The following CSMD3 variants were observed in gnomAD, a reference collection of about 807,000 sequenced individuals.
The protein encoded by CSMD3 is CUB and sushi domain-containing protein 3.
In CSMD3, 177 loss-of-function variants were observed where a neutral mutation model predicts 435.2. That is an observed-to-expected ratio of 0.41 (90% CI 0.36 to 0.46). The LOEUF (loss-of-function observed/expected upper bound fraction) is 0.46. Ranked by LOEUF, CSMD3 falls within the 20% of genes least tolerant of loss-of-function variation. CSMD3 has a pLI of 0.34. For synonymous variants in CSMD3, 1,656 were observed against 1,520.5 expected (o/e 1.09, Z -2.07); for missense variants, 4,265 against 4,504.6 (o/e 0.95, Z 1.52).
intron 59 of CSMD3, among the ~76,000 whole-genome samples, chr8:112,270,519 T>C (rs1817426870): frequency 1.3e-5 from 2 of 152,104 alleles, no homozygotes; most frequent in African/African-American, 4.8e-5. Flanking sequence ...ATTCCAAAGT[T>C]ACTTCACTGA....
chr8:113,358,122 T>C (rs1178339673), intron 1 of CSMD3, among the ~76,000 whole-genome samples: 1 of 152,210 alleles, frequency 6.6e-6, no homozygotes, highest in Non-Finnish European at 1.5e-5. Flanking sequence ...AGCACCAATA[T>C]AATATTGTAA....
intron 3 of CSMD3, among the ~76,000 whole-genome samples, chr8:113,238,773 G>A (rs1216807354): frequency 2.6e-5 from 4 of 152,076 alleles, no homozygotes; most frequent in African/African-American, 7.2e-5. Context: ...TTTTCTATAT[G>A]TGATTCTTCC....
chr8:113,136,116 G>A (rs979779238), intron 4 of CSMD3, among the ~76,000 whole-genome samples: 1 of 151,806 alleles, frequency 6.6e-6, no homozygotes, highest in African/African-American at 2.4e-5. Flanking sequence ...AACAAATTAA[G>A]TATGAGTTCA....
intron 22 of CSMD3, among the ~76,000 whole-genome samples, chr8:112,597,378 G>T (rs1831833397): frequency 6.7e-6 from 1 of 149,176 alleles, no homozygotes; most frequent in Non-Finnish European, 1.5e-5. Context: ...ATAATCAATA[G>T]TTTACCAACC....
chr8:112,482,012 A>C (rs546096443), intron 31 of CSMD3, among the ~76,000 whole-genome samples: 166 of 152,338 alleles, frequency 1.1e-3, no homozygotes, highest in African/African-American at 3.9e-3. Flanking sequence ...AATACTAAAA[A>C]AAAAAAATTC....
chr8:113,196,873 T>A (rs2092662012), intron 3 of CSMD3, among the ~76,000 whole-genome samples: 1 of 151,266 alleles, frequency 6.6e-6, no homozygotes, highest in Non-Finnish European at 1.5e-5. Flanking sequence ...TGTCTAAGCG[T>A]GTTCTTAAAA....
intron 45 of CSMD3, among the ~76,000 whole-genome samples, chr8:112,331,776 G>T (rs1369363119): frequency 6.6e-6 from 1 of 151,846 alleles, no homozygotes; most frequent in East Asian, 1.9e-4. Flanking sequence ...AACTGGGTGG[G>T]GTAGTAAACC....
In CSMD3 at chr8:112,343,019, AT is replaced by A. The variant is rs1825322343; in HGVS notation, c.6443-1334del. Among the ~76,000 whole-genome samples, 3 of 95,852 alleles carry A rather than the reference AT, an allele frequency of 3.1e-5. No individual in the cohort carries two copies. In the East Asian group the frequency reaches 8.1e-4, roughly 26 times the overall value. 62.9% of individuals were successfully genotyped at this position (95,852 alleles called of 152,430 possible). ...TATATATTTATATATATATATATTT[AT>A]ATATATATATATAGTTTAAATACAT... On this transcript the variant is annotated intron_variant, in intron 41 of 70. Coordinates refer to ENST00000297405, the MANE Select transcript of CSMD3 (RefSeq NM_198123.2).
rs11284034 is a variant in CSMD3 at position 112,970,395 on chromosome 8, C to CAAA, written c.1342+5439_1342+5441dup. Among the ~76,000 whole-genome samples, 495 of 82,106 alleles carry CAAA rather than the reference C, an allele frequency of 6.0e-3. 4 individuals are homozygous for CAAA. The highest frequency in any genetic ancestry group is 0.022 in the African/African-American group (462 of 21,108). 53.9% of individuals were successfully genotyped at this position (82,106 alleles called of 152,430 possible). On this transcript the variant is annotated intron_variant, in intron 7 of 70. Transcript: ENST00000297405. ...TGGGTGACAGAGCTAGACTCCCTCT[C>CAAA]AAAAAAAAAAAAAAAAAAAAAGAAA...
At chr8:113,290,473 T>G (rs2093678709) in intron 2 of CSMD3, among the ~76,000 whole-genome samples, 1 of 151,718 alleles carries the variant, frequency 6.6e-6, no homozygotes, top group African/African-American at 2.4e-5. Flanking sequence ...ATATAGCCAT[T>G]AATTGTTTCC....
At chr8:112,667,097 T>G (rs2075544591) in intron 16 of CSMD3, among the ~76,000 whole-genome samples, 1 of 152,282 alleles carries the variant, frequency 6.6e-6, no homozygotes, top group Middle Eastern at 3.4e-3. Flanking sequence ...ACCACAATGA[T>G]AGCATTGTAG....
chr8:112,776,720 TA>T (rs1188759776), intron 13 of CSMD3, among the ~76,000 whole-genome samples: 1 of 151,826 alleles, frequency 6.6e-6, no homozygotes, highest in Non-Finnish European at 1.5e-5. Context: ...AATTAATTTT[TA>T]AAATTGTCTT....
At chr8:112,644,902 C>T (rs1159570696) in intron 20 of CSMD3, among the ~76,000 whole-genome samples, 1 of 151,988 alleles carries the variant, frequency 6.6e-6, no homozygotes, top group Non-Finnish European at 1.5e-5. Flanking sequence ...ATAGCAACAG[C>T]CTGGTAAAAA....
intron 3 of CSMD3, among the ~76,000 whole-genome samples, chr8:113,189,861 G>A (rs191153020): frequency 9.9e-5 from 15 of 151,686 alleles, no homozygotes; most frequent in Non-Finnish European, 5.9e-5. Context: ...TTGCAATCAT[G>A]TTTTGTTTTC....
chr8:113,307,607 A>T (rs2093831586), intron 2 of CSMD3, among the ~76,000 whole-genome samples: 1 of 152,204 alleles, frequency 6.6e-6, no homozygotes, highest in Non-Finnish European at 1.5e-5. Flanking sequence ...ATTGGAAGAA[A>T]ATAATTGCAA....
chr8:112,272,754 T>C (rs986680934), intron 59 of CSMD3, among the ~76,000 whole-genome samples: 3 of 152,172 alleles, frequency 2.0e-5, no homozygotes, highest in Non-Finnish European at 2.9e-5. Flanking sequence ...GAAGCACTGA[T>C]TCTAATTTAA....
intron 32 of CSMD3, among the ~76,000 whole-genome samples, chr8:112,436,704 TAC>T (rs34695106): frequency 0.018 from 2,668 of 152,088 alleles, 80 homozygotes; most frequent in African/African-American, 0.061. Context: ...TATACAGATA[TAC>T]ACACACACAT....
chr8:112,906,476 G>A (rs947991382), intron 10 of CSMD3, among the ~76,000 whole-genome samples: 7 of 150,818 alleles, frequency 4.6e-5, no homozygotes, highest in African/African-American at 1.7e-4. Context: ...CCAAAAAAAC[G>A]TCTCTAATAA....
chr8:113,033,606 C>CTTTTGA (rs1403315768), intron 5 of CSMD3, among the ~76,000 whole-genome samples: 1 of 131,442 alleles, frequency 7.6e-6, no homozygotes, highest in Non-Finnish European at 1.6e-5. Flanking sequence ...TTTGCTTTTG[C>CTTTTGA]TTTTGATTTT....
Sources: allele counts gnomAD v4.1 joint callset (sites outside exome capture counted in the v4.1 genomes callset), GRCh38; gene constraint gnomAD v4.1.1; transcripts MANE v1.5; gene names NCBI Gene and HGNC (gene_info 2026-07-23, HGNC 2026-07-21).